Variants in NOXA1 observed in about 807,000 individuals in gnomAD.
NOXA1 encodes the protein NADPH oxidase activator 1.
NOXA1 carries 56 observed loss-of-function variants against 64.8 expected under a neutral mutation model. The ratio of observed to expected loss-of-function variants is 0.86; its 90% CI spans 0.70 to 1.08. The LOEUF is 1.08. Ranked by LOEUF, NOXA1 falls within the 50% of genes least tolerant of loss-of-function variation. The pLI, the probability that NOXA1 is intolerant of heterozygous loss-of-function variation, is 0.00. For synonymous variants in NOXA1, 295 were observed against 294.8 expected, an observed-to-expected ratio of 1.00 and a Z score of -0.01; for missense variants, 668 against 658.5, an observed-to-expected ratio of 1.01 and a Z score of -0.16.
chr9:137,430,788 T>G lies in NOXA1; in HGVS notation c.617T>G (p.Val206Gly). 2 of 1,594,818 alleles carry G rather than the reference T, an allele frequency of 1.3e-6. No homozygotes were observed. The highest frequency in any genetic ancestry group is 1.7e-6 in the Non-Finnish European group (2 of 1,175,936). Residue 206 changes from valine (V) to glycine (G), a missense_variant, in exon 6 of 14, where the codon GTG (valine) becomes GGG (glycine). Val to Gly is a moderately radical substitution (Grantham distance 109). Transcript: ENST00000683555. ...CGTCCCCACTGTCCCCGCCAGGTGG[T>G]GGCCTCTGCCATCCCCGACGACCAG... ...PVDFLGKAKVVASAIPDDQGW... is the reference protein window; with the variant it reads ...PVDFLGKAKVGASAIPDDQGW...
At chr9:137,428,181 G>A in intron 3 of NOXA1, 40 bp downstream of exon 3, 2 of 1,439,806 alleles carry the variant, frequency 1.4e-6, no homozygotes, top group Non-Finnish European at 1.9e-6. Context: ...TGGCTGTGGG[G>A]TGTCCACGGG....
intron 2 of NOXA1, among the ~76,000 whole-genome samples, chr9:137,427,348 C>T (rs1398255110): frequency 6.6e-6 from 1 of 152,148 alleles, no homozygotes; most frequent in East Asian, 1.9e-4. Flanking sequence ...TATAACTGGT[C>T]ATCAAAACAC....
chr9:137,430,651 G>A (rs1177978991), intron 5 of NOXA1, 133 bp from the exon 6 acceptor site: 3 of 649,142 alleles, frequency 4.6e-6, no homozygotes, highest in Admixed American at 6.7e-5. Context: ...TCTGGCAGAC[G>A]TGGGCCGGGC....
In NOXA1 at chr9:137,428,042, G is replaced by A; in HGVS notation, c.270G>A (p.Glu90=). Residue 90 remains glutamate (E), a synonymous_variant, in exon 3 of 14, where the codon GAG becomes GAA. Coordinates refer to ENST00000683555, the MANE Select transcript of NOXA1 (RefSeq NM_001256067.2). Reference sequence around the variant, plus strand: ...CCCCGGCTGCCCACAGGTTCCAGGAGGCTCTGTCTGACTTCTGGCTGGCCC... The same window carrying A: ...CCCCGGCTGCCCACAGGTTCCAGGAAGCTCTGTCTGACTTCTGGCTGGCCC... ...VANFQLARFQ[E]ALSDFWLALE... 6.3e-7 allele frequency: 1 copy of A among 1,576,194 alleles called. No homozygotes were observed. Among genetic ancestry groups the A allele is most frequent in the Non-Finnish European group, 8.6e-7 (1 of 1,161,762 alleles).
At position 137,431,243 on chromosome 9, in the gene NOXA1, A is replaced by T; in HGVS notation, c.706A>T (p.Ile236Phe). ...PGANHDARSL[I>F]MDSPRAGTHQ... The stretch of plus-strand genomic sequence containing the variant: ...CCTCCCTCCTCTCCCTAGGTCCCTA[A>T]TCATGGACTCCCCAAGAGCTGGCAC... The change falls in exon 8 of 14, where the codon ATC (isoleucine) becomes TTC (phenylalanine). Residue 236 changes from isoleucine (I) to phenylalanine (F), a missense_variant. Coordinates refer to ENST00000683555, the MANE Select transcript of NOXA1 (RefSeq NM_001256067.2). The surrounding 1 kb of genome is among the most constrained non-coding windows in gnomAD (Gnocchi z 5.6). The T allele has an allele frequency of 1.9e-6, 3 of 1,612,628 alleles. No homozygotes were observed. Among genetic ancestry groups the T allele is most frequent in the Non-Finnish European group, 2.5e-6 (3 of 1,179,742 alleles).
intron 8 of NOXA1, among the ~76,000 whole-genome samples, 188 bp from the exon 9 acceptor site, chr9:137,432,841 C>T (rs1202209368): frequency 9.2e-5 from 14 of 152,208 alleles, no homozygotes. Flanking sequence ...GCCTCTAGGT[C>T]TGCAGGGACC....
chr9:137,424,837 C>T (rs1381942905), intron 1 of NOXA1, among the ~76,000 whole-genome samples: 1 of 152,194 alleles, frequency 6.6e-6, no homozygotes, highest in Non-Finnish European at 1.5e-5. Context: ...CTAACCCAGT[C>T]ACTTGTGCTC....
At position 137,423,711 on chromosome 9, in the gene NOXA1, G is replaced by T; in HGVS notation, c.177+5G>T. 9 of 1,299,898 alleles carry T rather than the reference G, an allele frequency of 6.9e-6. No individual in the cohort carries two copies. The highest frequency in any genetic ancestry group is 8.8e-6 in the Non-Finnish European group (9 of 1,026,612). The allele number at this position is 1,299,898 out of a possible 1,614,324, so 80.5% of individuals were successfully genotyped here. The stretch of plus-strand genomic sequence containing the variant: ...GACCCCGAGGCCGCGCTGCGGGTGA[G>T]CGGGGCGTGGGGAGGCCGGTGCGGG... On this transcript the variant is annotated splice_donor_5th_base_variant and intron_variant, in intron 1 of 13. Transcript: ENST00000683555.
chr9:137,431,484 GGCCCA>G lies in NOXA1; in HGVS notation c.804+152_804+156del, dbSNP rs1839109031. On this transcript the variant is annotated intron_variant, in intron 8 of 13. Coordinates refer to ENST00000683555, the MANE Select transcript of NOXA1 (RefSeq NM_001256067.2). The surrounding 1 kb of genome is among the most constrained non-coding windows in gnomAD (Gnocchi z 5.6). ...CGGGGCCGGGCTCACCCGTGGTCCTGGCCCAGCCCAGCCAGATGGGAGGATGCCTG... is the reference window on the plus strand; with the variant it reads ...CGGGGCCGGGCTCACCCGTGGTCCTGGCCCAGCCAGATGGGAGGATGCCTG... The G allele has an allele frequency of 2.9e-6, 2 of 701,286 alleles. No individual in the cohort carries two copies. The highest frequency in any genetic ancestry group is 4.8e-6 in the Non-Finnish European group (2 of 414,864). 43.4% of individuals were successfully genotyped at this position (701,286 alleles called of 1,614,324 possible).
At position 137,433,055 on chromosome 9, in the gene NOXA1, A is replaced by T; in HGVS notation, c.831A>T (p.Lys277Asn). The part of the protein sequence containing the change: ...EQRPQVEQVG[K>N]QAPLSPGLPA... The stretch of plus-strand genomic sequence containing the variant: ...GGCCCCAGGTGGAGCAAGTTGGCAA[A>T]CAGGCTCCTCTCTCCCCAGGTATGG... The change falls in exon 9 of 14, where the codon AAA (lysine) becomes AAT (asparagine). Residue 277 changes from lysine (K) to asparagine (N), a missense_variant. Physicochemically the swap from Lys to Asn is moderately conservative, Grantham distance 94 (BLOSUM62 0). Coordinates refer to ENST00000683555, the MANE Select transcript of NOXA1 (RefSeq NM_001256067.2). The T allele has an allele frequency of 6.2e-7, 1 of 1,612,800 alleles. No individual in the cohort carries two copies. The highest frequency in any genetic ancestry group is 1.1e-5 in the South Asian group (1 of 91,076).
chr9:137,434,100 C>T (rs1465820530), intron 13 of NOXA1, 21 bp downstream of exon 13: 1 of 1,583,890 alleles, frequency 6.3e-7, no homozygotes, highest in Non-Finnish European at 8.6e-7. Flanking sequence ...CATGGCCCTT[C>T]CCAGGCAGCA....
intron 4 of NOXA1, 88 bp from the exon 5 acceptor site, chr9:137,429,188 C>T: frequency 7.4e-7 from 1 of 1,344,722 alleles, no homozygotes; most frequent in East Asian, 2.6e-5. Context: ...GCCCAAGCGG[C>T]CCCTTCTGCT....
Position 137,433,455 on chromosome 9 carries a change from A to T in NOXA1, c.912A>T (p.Gly304=). The change falls in exon 11 of 14, where the codon GGA becomes GGT. Residue 304 remains glycine, a splice_region_variant and synonymous_variant. Transcript: ENST00000683555. ...CTCCCCCTCCTGCCTGGACCCAGGG[A>T]GCAGGTGCAGGGGGCTCCGAGCCCC... The part of the protein sequence containing the change: ...GPCEDPAGAG[G]AGAGGSEPLV... 6.3e-7 allele frequency: 1 copy of T among 1,597,768 alleles called. No individual in the cohort carries two copies.
chr9:137,434,225 G>A lies in NOXA1; in HGVS notation c.1296G>A (p.Val432=). The change falls in exon 14 of 14, where the codon GTG becomes GTA. Residue 432 remains valine, a splice_region_variant and synonymous_variant. Transcript: ENST00000683555. Reference sequence around the variant, plus strand: ...CAGAGCCCGATGTCCCCCTTGCAGTGGACCAGGCATGGCTGGAGGGCCACT... The same window carrying A: ...CAGAGCCCGATGTCCCCCTTGCAGTAGACCAGGCATGGCTGGAGGGCCACT... ...QGDTVDVLCE[V]DQAWLEGHCD... 5 of 1,608,918 alleles carry A rather than the reference G, an allele frequency of 3.1e-6. No individual in the cohort carries two copies. Among genetic ancestry groups the A allele is most frequent in the Non-Finnish European group, 4.2e-6 (5 of 1,178,644 alleles).
intron 2 of NOXA1, 126 bp from the exon 3 acceptor site, chr9:137,427,907 C>T (rs1052631981): frequency 4.6e-6 from 3 of 650,042 alleles, no homozygotes; most frequent in Non-Finnish European, 8.2e-6. Flanking sequence ...AGGCACCGCA[C>T]TGCCCTCCCT....
Position 137,431,051 on chromosome 9 carries a change from G to A in NOXA1, c.673-24G>A, listed in dbSNP as rs377749661. The A allele has an allele frequency of 1.3e-5, 21 of 1,613,120 alleles. No homozygotes were observed. Among genetic ancestry groups the A allele is most frequent in the Admixed American group, 1.7e-5 (1 of 60,002 alleles). ...GCGGCCCCCGACCCTTAACCAGAGC[G>A]AGGTTGTTGCTTTGTGTCCACAGGG... On this transcript the variant is annotated intron_variant, in intron 6 of 13. Transcript: ENST00000683555. This position sits in a 1 kb window ranked among gnomAD's most constrained non-coding sequence, Gnocchi z 5.6.
intron 3 of NOXA1, among the ~76,000 whole-genome samples, chr9:137,428,568 T>C (rs769603669): frequency 5.2e-4 from 77 of 148,196 alleles, no homozygotes; most frequent in Non-Finnish European, 9.1e-4. Context: ...GACAAAAAGA[T>C]GGAAGGGAAA....
At chr9:137,425,207 TCACA>T (rs1437378404) in intron 1 of NOXA1, among the ~76,000 whole-genome samples, 1 of 152,188 alleles carries the variant, frequency 6.6e-6, no homozygotes, top group African/African-American at 2.4e-5. Context: ...ACCCTTCCTG[TCACA>T]CACATTTAAC....
At chr9:137,424,818 T>A (rs1838774667) in intron 1 of NOXA1, among the ~76,000 whole-genome samples, 1 of 152,224 alleles carries the variant, frequency 6.6e-6, no homozygotes, top group Admixed American at 6.5e-5. Context: ...ACAAATCCTA[T>A]GTCCGGGGCT....
Sources: gnomAD v4.1 joint callset for allele counts (sites outside exome capture counted in the v4.1 genomes callset) on GRCh38, gnomAD v4.1.1 for gene constraint, Gnocchi (gnomAD v3.1) non-coding constraint, MANE v1.5 for transcripts, NCBI Gene and HGNC (gene_info 2026-07-23, HGNC 2026-07-21) for gene names.